DOK6: variants seen among roughly 807,000 people sequenced by gnomAD.
DOK6 encodes the protein docking protein 6.
A neutral mutation model predicts 44.0 loss-of-function variants in DOK6; 22 were observed. The observed-to-expected ratio is 0.50, with a 90% CI of 0.36 to 0.71. DOK6 has a LOEUF of 0.71. Among genes scored for constraint, DOK6 ranks in the 30% least tolerant of loss-of-function variants. The probability of loss-of-function intolerance (pLI) is 0.00; values close to 1 mark genes in which losing one functional copy is unlikely to be tolerated. For synonymous variants in DOK6, 166 were observed against 145.5 expected, an observed-to-expected ratio of 1.14 and a Z score of -1.01; for missense variants, 340 against 416.4, an observed-to-expected ratio of 0.82 and a Z score of 1.60.
At chr18:69,669,250 T>C (rs1472969170) in intron 3 of DOK6, among the ~76,000 whole-genome samples, 1 of 152,152 alleles carries the variant, frequency 6.6e-6, no homozygotes, top group African/African-American at 2.4e-5. Flanking sequence ...CTCTCCCTCC[T>C]CCCACTCTCC....
At chr18:69,796,218 C>T (rs1456633975) in intron 7 of DOK6, among the ~76,000 whole-genome samples, 1 of 152,086 alleles carries the variant, frequency 6.6e-6, no homozygotes, top group Non-Finnish European at 1.5e-5. Context: ...AACTCACAAA[C>T]GAGGCTGACT....
chr18:69,409,293 T>C (rs1428106654), intron 1 of DOK6, among the ~76,000 whole-genome samples: 2 of 152,198 alleles, frequency 1.3e-5, no homozygotes, highest in Non-Finnish European at 2.9e-5. Flanking sequence ...TGGTATGTTC[T>C]TACAGCAGCG....
At chr18:69,739,181 G>T in intron 6 of DOK6, 78 bp downstream of exon 6, 1 of 1,565,710 alleles carries the variant, frequency 6.4e-7, no homozygotes, top group Non-Finnish European at 8.7e-7. Flanking sequence ...GTATGTGTGG[G>T]GCCATTCATG....
At chr18:69,526,432 A>G (rs889897877) in intron 1 of DOK6, among the ~76,000 whole-genome samples, 1 of 152,166 alleles carries the variant, frequency 6.6e-6, no homozygotes, top group Non-Finnish European at 1.5e-5. Context: ...GCATTTCATT[A>G]TATTGCTGAA....
intron 7 of DOK6, among the ~76,000 whole-genome samples, chr18:69,836,108 A>AT (rs1440749556): frequency 6.6e-6 from 1 of 152,084 alleles, no homozygotes; most frequent in African/African-American, 2.4e-5. Context: ...GTCAGTCTCC[A>AT]TTTTTTCTTC....
intron 1 of DOK6, chr18:69,471,858 C>T (rs1283320786): frequency 6.6e-6 from 1 of 152,172 alleles, no homozygotes; most frequent in Non-Finnish European, 1.5e-5. Flanking sequence ...CAATTTGCCT[C>T]TACTCTCAAT....
chr18:69,586,464 A>C (rs984975265), intron 2 of DOK6, among the ~76,000 whole-genome samples: 14 of 152,158 alleles, frequency 9.2e-5, no homozygotes, highest in African/African-American at 3.4e-4. Flanking sequence ...CCCAAGCCAG[A>C]AAAAAGTAAA....
At chr18:69,460,166 C>T (rs901451866) in intron 1 of DOK6, among the ~76,000 whole-genome samples, 4 of 152,180 alleles carry the variant, frequency 2.6e-5, no homozygotes, top group African/African-American at 9.6e-5. Context: ...TTCCTCATTA[C>T]TAAGGAATGA....
At chr18:69,427,050 G>A (rs564047299) in intron 1 of DOK6, among the ~76,000 whole-genome samples, 41 of 152,094 alleles carry the variant, frequency 2.7e-4, no homozygotes, top group African/African-American at 9.4e-4. Flanking sequence ...ATGTGTCCAT[G>A]TGTTCTCATT....
chr18:69,620,066 A>T (rs914067092), intron 3 of DOK6, among the ~76,000 whole-genome samples: 12 of 152,074 alleles, frequency 7.9e-5, no homozygotes, highest in Admixed American at 7.9e-4. Context: ...GAACTTACCA[A>T]CCACCTTAAT....
At chr18:69,545,123 A>AG (rs71176981) in intron 1 of DOK6, among the ~76,000 whole-genome samples, 1 of 150,758 alleles carries the variant, frequency 6.6e-6, no homozygotes, top group Non-Finnish European at 1.5e-5. Context: ...CCATAAAAAA[A>AG]AAAAAATTAC....
At chr18:69,686,160 A>G (rs1037888731) in intron 4 of DOK6, among the ~76,000 whole-genome samples, 3 of 152,094 alleles carry the variant, frequency 2.0e-5, no homozygotes, top group Non-Finnish European at 4.4e-5. Context: ...GTACAAGCTG[A>G]AGAGAGAGGC....
intron 2 of DOK6, among the ~76,000 whole-genome samples, chr18:69,581,974 A>G (rs931775581): frequency 1.3e-5 from 2 of 152,236 alleles, no homozygotes; most frequent in Admixed American, 6.5e-5. Context: ...GCCTCTTAAC[A>G]GCATCAAACT....
At chr18:69,412,158 G>A (rs1330123113) in intron 1 of DOK6, among the ~76,000 whole-genome samples, 1 of 151,614 alleles carries the variant, frequency 6.6e-6, no homozygotes, top group Non-Finnish European at 1.5e-5. Flanking sequence ...GGGCTTTCTT[G>A]AATTACTTAG....
chr18:69,496,084 C>T (rs964122806), intron 1 of DOK6, among the ~76,000 whole-genome samples: 2 of 152,180 alleles, frequency 1.3e-5, no homozygotes, highest in Non-Finnish European at 2.9e-5. Flanking sequence ...CTCCTGCCTG[C>T]TCTGTGGGCT....
intron 1 of DOK6, among the ~76,000 whole-genome samples, chr18:69,417,446 T>C (rs1485883810): frequency 6.6e-6 from 1 of 152,138 alleles, no homozygotes; most frequent in African/African-American, 2.4e-5. Flanking sequence ...TATACCACAT[T>C]TTCTTTTTCA....
intron 1 of DOK6, among the ~76,000 whole-genome samples, chr18:69,519,235 A>T (rs1320173303): frequency 6.6e-6 from 1 of 152,058 alleles, no homozygotes; most frequent in East Asian, 1.9e-4. Flanking sequence ...TTTGAACATA[A>T]TCACAAATTT....
chr18:69,810,728 T>C (rs1981197699), intron 7 of DOK6, among the ~76,000 whole-genome samples: 1 of 151,544 alleles, frequency 6.6e-6, no homozygotes, highest in African/African-American at 2.4e-5. Flanking sequence ...ACATCACTAA[T>C]TATCAAGGAA....
chr18:69,657,163 G>A (rs752256119), intron 3 of DOK6, among the ~76,000 whole-genome samples: 1 of 152,156 alleles, frequency 6.6e-6, no homozygotes, highest in Non-Finnish European at 1.5e-5. Context: ...TAAAAGACAG[G>A]ATCCACAGTG....
Sources: allele counts gnomAD v4.1 joint callset (sites outside exome capture counted in the v4.1 genomes callset), GRCh38; gene constraint gnomAD v4.1.1; transcripts MANE v1.5; gene names NCBI Gene and HGNC (gene_info 2026-07-23, HGNC 2026-07-21).